Variants in DDR2 observed in about 807,000 individuals in gnomAD.
DDR2 encodes the protein discoidin domain-containing receptor 2.
A neutral mutation model predicts 94.9 loss-of-function variants in DDR2; 27 were observed. That is an observed-to-expected ratio of 0.28 (90% CI 0.21 to 0.39). The LOEUF (loss-of-function observed/expected upper bound fraction) is 0.39. DDR2 is among the 10% of genes least tolerant of loss of function. The pLI is 1.00. For synonymous variants in DDR2, 382 were observed against 377.2 expected (o/e 1.01, Z -0.15); for missense variants, 783 against 1,076.0 (o/e 0.73, Z 3.81).
At chr1:162,647,591 T>A (rs555623370) in intron 1 of DDR2, among the ~76,000 whole-genome samples, 14 of 152,190 alleles carry the variant, frequency 9.2e-5, no homozygotes, top group Non-Finnish European at 1.9e-4. Flanking sequence ...ATATGCTAAA[T>A]AAGGAGTGGA....
intron 2 of DDR2, among the ~76,000 whole-genome samples, chr1:162,667,137 T>C (rs916777216): frequency 2.0e-5 from 3 of 152,100 alleles, no homozygotes; most frequent in Non-Finnish European, 4.4e-5. Flanking sequence ...ATACCATATT[T>C]TGCTGCCAGT....
At chr1:162,682,791 C>A (rs1659472557) in intron 2 of DDR2, among the ~76,000 whole-genome samples, 1 of 152,102 alleles carries the variant, frequency 6.6e-6, no homozygotes, top group South Asian at 2.1e-4. Context: ...TGATGTTTAA[C>A]TTTTTTGGAC....
chr1:162,724,893 C>T (rs550054519), intron 3 of DDR2, among the ~76,000 whole-genome samples: 1 of 152,072 alleles, frequency 6.6e-6, no homozygotes, highest in Non-Finnish European at 1.5e-5. Flanking sequence ...TAGAAGCTGC[C>T]CAGATTGGCT....
intron 3 of DDR2, among the ~76,000 whole-genome samples, chr1:162,733,432 A>G (rs1216505707): frequency 6.6e-6 from 1 of 152,198 alleles, no homozygotes; most frequent in African/African-American, 2.4e-5. Context: ...AGGATGAGAA[A>G]GGTCATCCAA....
At chr1:162,725,001 A>G (rs545173511) in intron 3 of DDR2, among the ~76,000 whole-genome samples, 1 of 152,210 alleles carries the variant, frequency 6.6e-6, no homozygotes, top group Non-Finnish European at 1.5e-5. Context: ...CTCTGGGTAA[A>G]ACAGAAACTC....
Position 162,786,826 on chromosome 1 carries a change from G to C in DDR2, c.*6580G>C, listed in dbSNP as rs1192367843. On this transcript the variant is annotated 3_prime_UTR_variant, in exon 18 of 18. Coordinates refer to ENST00000367921, the MANE Select transcript of DDR2 (RefSeq NM_006182.4). ...AACATACGAGACACTGGGATTTTAC[G>C]TCCTCACATTAATTAGTCCAGTTCT... The C allele has an allele frequency of 1.3e-5, 2 of 152,154 alleles. No individual in the cohort carries two copies. Among genetic ancestry groups the C allele is most frequent in the Non-Finnish European group, 2.9e-5 (2 of 68,046 alleles). 9.4% of individuals were successfully genotyped at this position (152,154 alleles called of 1,614,324 possible).
chr1:162,662,315 T>C (rs1658342412), intron 2 of DDR2, among the ~76,000 whole-genome samples: 1 of 152,112 alleles, frequency 6.6e-6, no homozygotes, highest in Non-Finnish European at 1.5e-5. Context: ...CACATCTGAG[T>C]TCAAATTCTA....
At chr1:162,636,905 A>T (rs570312117) in intron 1 of DDR2, among the ~76,000 whole-genome samples, 2 of 152,316 alleles carry the variant, frequency 1.3e-5, no homozygotes, top group South Asian at 4.1e-4. Flanking sequence ...ATCCAAAAAA[A>T]CATGAAACAA....
chr1:162,765,097 A>G (rs1663927147), intron 9 of DDR2, among the ~76,000 whole-genome samples: 1 of 152,146 alleles, frequency 6.6e-6, no homozygotes, highest in Non-Finnish European at 1.5e-5. Flanking sequence ...TGTAAGTGTT[A>G]ACTGGGGGAC....
intron 2 of DDR2, among the ~76,000 whole-genome samples, chr1:162,688,512 G>A (rs1317379938): frequency 6.6e-6 from 1 of 152,210 alleles, no homozygotes; most frequent in Non-Finnish European, 1.5e-5. Flanking sequence ...AACTCAAGCA[G>A]CACCTACCTT....
At chr1:162,764,837 A>G (rs1016621424) in intron 9 of DDR2, among the ~76,000 whole-genome samples, 9 of 151,912 alleles carry the variant, frequency 5.9e-5, no homozygotes, top group East Asian at 1.9e-4. Context: ...AAAAAAAAAA[A>G]AAAGAAAGAA....
At chr1:162,724,410 T>C (rs1447052298) in intron 3 of DDR2, among the ~76,000 whole-genome samples, 1 of 152,138 alleles carries the variant, frequency 6.6e-6, no homozygotes, top group East Asian at 1.9e-4. Flanking sequence ...GGATATACAG[T>C]GCTCACACCT....
chr1:162,682,582 T>C (rs1659464611), intron 2 of DDR2, among the ~76,000 whole-genome samples: 1 of 152,226 alleles, frequency 6.6e-6, no homozygotes, highest in South Asian at 2.1e-4. Context: ...GAATAATGGG[T>C]GCAAGCAAGA....
At chr1:162,695,997 C>A (rs1660168146) in intron 2 of DDR2, among the ~76,000 whole-genome samples, 1 of 152,146 alleles carries the variant, frequency 6.6e-6, no homozygotes, top group Non-Finnish European at 1.5e-5. Context: ...CTAGGTCCTA[C>A]TGGCTTATGT....
chr1:162,702,354 A>G (rs1013782986), intron 2 of DDR2, among the ~76,000 whole-genome samples: 8 of 152,160 alleles, frequency 5.3e-5, no homozygotes, highest in Non-Finnish European at 1.2e-4. Flanking sequence ...CTGACTATGC[A>G]AGCAGCTTAT....
At chr1:162,729,515 A>T (rs1050309677) in intron 3 of DDR2, among the ~76,000 whole-genome samples, 1 of 147,768 alleles carries the variant, frequency 6.8e-6, no homozygotes, top group South Asian at 2.1e-4. Flanking sequence ...GAGTTGTTAA[A>T]AAAATTTATG....
At chr1:162,747,498 T>C (rs1194210982) in intron 3 of DDR2, among the ~76,000 whole-genome samples, 3 of 151,864 alleles carry the variant, frequency 2.0e-5, no homozygotes, top group African/African-American at 7.3e-5. Context: ...TATGAGACTG[T>C]GTGAAAAGAT....
chr1:162,675,239 G>A (rs995838036), intron 2 of DDR2, among the ~76,000 whole-genome samples: 2 of 152,218 alleles, frequency 1.3e-5, no homozygotes, highest in African/African-American at 4.8e-5. Context: ...GATGATGCTG[G>A]ATGGTGGAGA....
intron 2 of DDR2, among the ~76,000 whole-genome samples, chr1:162,694,969 G>T (rs978244825): frequency 6.6e-6 from 1 of 152,002 alleles, no homozygotes; most frequent in African/African-American, 2.4e-5. Context: ...AGAGAATTTT[G>T]AATGTATCCG....
Sources: allele counts gnomAD v4.1 joint callset (sites outside exome capture counted in the v4.1 genomes callset), GRCh38; gene constraint gnomAD v4.1.1; transcripts MANE v1.5; gene names NCBI Gene and HGNC (gene_info 2026-07-23, HGNC 2026-07-21).